The following AUTS2 variants were observed in gnomAD, a reference collection of about 807,000 sequenced individuals.
AUTS2 encodes autism susceptibility gene 2 protein.
In AUTS2, 17 loss-of-function variants were observed where a neutral mutation model predicts 112.4. The ratio of observed to expected loss-of-function variants is 0.15; its 90% CI spans 0.10 to 0.23. The LOEUF (loss-of-function observed/expected upper bound fraction) is 0.23. Among genes scored for constraint, AUTS2 ranks in the 10% least tolerant of loss-of-function variants. The pLI is 1.00. For missense variants in AUTS2, 1,510 were observed against 1,701.6 expected (o/e 0.89, Z 1.98); for synonymous variants, 751 against 702.7 (o/e 1.07, Z -1.09).
chr7:70,752,065 T>C (rs1413871883), intron 6 of AUTS2, among the ~76,000 whole-genome samples: 1 of 151,774 alleles, frequency 6.6e-6, no homozygotes, highest in Non-Finnish European at 1.5e-5. Context: ...TTGGGCTGTG[T>C]ATGTGCGTAG....
intron 1 of AUTS2, among the ~76,000 whole-genome samples, chr7:69,834,899 C>T (rs898583324): frequency 1.2e-4 from 19 of 152,174 alleles, no homozygotes; most frequent in Middle Eastern, 3.4e-3. Flanking sequence ...TTCTTGTTCT[C>T]GTCTTATAAA....
chr7:69,744,012 G>A (rs1022624035), intron 1 of AUTS2, among the ~76,000 whole-genome samples: 1 of 152,006 alleles, frequency 6.6e-6, no homozygotes, highest in African/African-American at 2.4e-5. Context: ...GTGTTTCTCA[G>A]GCTGGTTTTG....
At chr7:69,886,226 A>G (rs1363456652) in intron 1 of AUTS2, among the ~76,000 whole-genome samples, 1 of 152,238 alleles carries the variant, frequency 6.6e-6, no homozygotes, top group African/African-American at 2.4e-5. Context: ...ACTAATAGGC[A>G]TATATGCACT....
At chr7:70,068,608 A>G (rs970503780) in intron 2 of AUTS2, among the ~76,000 whole-genome samples, 2 of 152,254 alleles carry the variant, frequency 1.3e-5, no homozygotes, top group African/African-American at 4.8e-5. Context: ...CATTACAGTC[A>G]TAGTGGCAGT....
At chr7:69,675,034 TAA>T (rs1796495536) in intron 1 of AUTS2, among the ~76,000 whole-genome samples, 3 of 152,218 alleles carry the variant, frequency 2.0e-5, no homozygotes, top group African/African-American at 2.4e-5. Flanking sequence ...TGTAGCTCTT[TAA>T]AAGAGGTGAA....
intron 4 of AUTS2, among the ~76,000 whole-genome samples, chr7:70,390,805 G>C: frequency 6.6e-6 from 1 of 152,072 alleles, no homozygotes; most frequent in East Asian, 1.9e-4. Flanking sequence ...ATATGATATA[G>C]CCAGGCCGTG....
chr7:70,442,923 A>G (rs1259756038), intron 5 of AUTS2, among the ~76,000 whole-genome samples: 2 of 152,190 alleles, frequency 1.3e-5, no homozygotes, highest in African/African-American at 4.8e-5. Context: ...CAATTGGCTT[A>G]ATTACATTGC....
Position 70,789,948 on chromosome 7 carries a change from C to T in AUTS2, c.2732C>T (p.Ala911Val), listed in dbSNP as rs748225756. Residue 911 changes from alanine (A) to valine (V), a missense_variant, in exon 19 of 19, where the codon GCG becomes GTG. Around this residue, in one of 3 missense-constraint regions of AUTS2, gnomAD observed 788 missense variants for 797.6 expected, o/e 0.99. Coordinates refer to ENST00000342771, the MANE Select transcript of AUTS2 (RefSeq NM_015570.4). Reference sequence around the variant, plus strand: ...GACCTGGCCGCCGACGAGCACAAGGCGAAAGAGGGCCACCTGCCCGAGAAG... The same window carrying T: ...GACCTGGCCGCCGACGAGCACAAGGTGAAAGAGGGCCACCTGCCCGAGAAG... ...RKDLAADEHK[A>V]KEGHLPEKDG... The T allele has an allele frequency of 1.4e-5, 23 of 1,613,766 alleles. No homozygotes were observed. Among genetic ancestry groups the T allele is most frequent in the Non-Finnish European group, 1.7e-5 (20 of 1,179,908 alleles).
At chr7:69,752,188 T>C (rs117025443) in intron 1 of AUTS2, among the ~76,000 whole-genome samples, 229 of 152,342 alleles carry the variant, frequency 1.5e-3, no homozygotes, top group Non-Finnish European at 2.7e-3. Flanking sequence ...AGCAGGATAT[T>C]TGGACCACTG....
At chr7:70,462,971 A>AT (rs398005121) in intron 5 of AUTS2, among the ~76,000 whole-genome samples, 2 of 151,990 alleles carry the variant, frequency 1.3e-5, no homozygotes, top group Non-Finnish European at 2.9e-5. Context: ...AAAAAAAAAA[A>AT]TCTGCTGGGG....
chr7:70,540,098 C>G (rs1378059439), intron 5 of AUTS2, among the ~76,000 whole-genome samples: 1 of 152,082 alleles, frequency 6.6e-6, no homozygotes, highest in African/African-American at 2.4e-5. Flanking sequence ...AAAAGGAGCT[C>G]TTGGCACCCT....
chr7:70,282,285 T>C (rs1788255162), intron 4 of AUTS2, among the ~76,000 whole-genome samples: 1 of 152,248 alleles, frequency 6.6e-6, no homozygotes, highest in Non-Finnish European at 1.5e-5. Flanking sequence ...AGTTATTTGT[T>C]ACAGCAGTAC....
Position 70,772,461 on chromosome 7 carries a change from C to T in AUTS2, c.1830+817C>T, listed in dbSNP as rs189976667. On this transcript the variant is annotated intron_variant, in intron 11 of 18. Coordinates refer to ENST00000342771, the MANE Select transcript of AUTS2 (RefSeq NM_015570.4). ...ACCTTCACACAAAAATAAAAAGAGCCGTACTTTCATGTGGGTAACCATTCT... is the reference window on the plus strand; with the variant it reads ...ACCTTCACACAAAAATAAAAAGAGCTGTACTTTCATGTGGGTAACCATTCT... 1.1e-4 allele frequency among the ~76,000 whole-genome samples: 16 copies of T among 152,272 alleles called. No homozygotes were observed. In the East Asian group the frequency reaches 1.2e-3, roughly 11 times the overall value.
At chr7:70,165,922 GGATCATGGGGGCAGTT>G (rs1324987358) in intron 4 of AUTS2, among the ~76,000 whole-genome samples, 9 of 152,074 alleles carry the variant, frequency 5.9e-5, no homozygotes, top group Non-Finnish European at 1.5e-5. Flanking sequence ...GGAGGTGATT[GGATCATGGGGGCAGTT>G]CCCCACTGCT....
chr7:70,693,952 A>C (rs1360116753), intron 5 of AUTS2: 1 of 151,614 alleles, frequency 6.6e-6, no homozygotes, highest in East Asian at 2.0e-4. Context: ...GCCGGGGACG[A>C]GAGGAGGGGC....
intron 4 of AUTS2, among the ~76,000 whole-genome samples, chr7:70,397,461 G>A (rs1176499741): frequency 6.6e-6 from 1 of 151,790 alleles, no homozygotes; most frequent in Admixed American, 6.6e-5. Context: ...ATTTTCATGT[G>A]TTTGTTTTCC....
At position 70,153,270 on chromosome 7, in the gene AUTS2, A is replaced by T. The variant is rs551473752; in HGVS notation, c.660+18699A>T. ...ACAATGTATTGATACATGCAACAAC[A>T]TGGATTCATCTCAAAATAATTATCC... On this transcript the variant is annotated intron_variant, in intron 4 of 18. Coordinates refer to ENST00000342771, the MANE Select transcript of AUTS2 (RefSeq NM_015570.4). Among the ~76,000 whole-genome samples, 12 of 152,334 alleles carry T rather than the reference A, an allele frequency of 7.9e-5. No individual in the cohort carries two copies. The East Asian group carries it at 1.7e-3, about 22-fold the overall frequency.
intron 1 of AUTS2, among the ~76,000 whole-genome samples, chr7:69,773,821 G>A (rs1007309733): frequency 2.0e-5 from 3 of 152,168 alleles, no homozygotes; most frequent in South Asian, 2.1e-4. Flanking sequence ...CGTCTCTACC[G>A]TGTAGCAAAA....
intron 5 of AUTS2, among the ~76,000 whole-genome samples, chr7:70,574,038 C>T (rs935835741): frequency 2.6e-5 from 4 of 152,094 alleles, no homozygotes; most frequent in Non-Finnish European, 4.4e-5. Flanking sequence ...GGTCATGCTT[C>T]TACCATGGCG....
Sources: gnomAD v4.1 joint callset for allele counts (sites outside exome capture counted in the v4.1 genomes callset) on GRCh38, gnomAD v4.1.1 for gene constraint, gnomAD v4.1.1 regional missense constraint, MANE v1.5 for transcripts, NCBI Gene and HGNC (gene_info 2026-07-23, HGNC 2026-07-21) for gene names.